Variants in DNAAF9 observed in about 807,000 individuals in gnomAD.
The protein encoded by DNAAF9 is dynein axonemal assembly factor 9, also known as shulin.
DNAAF9 carries 90 observed loss-of-function variants against 167.0 expected under a neutral mutation model. The observed-to-expected ratio is 0.54, with a 90% confidence interval of 0.45 to 0.64. The LOEUF (loss-of-function observed/expected upper bound fraction) is 0.64. Among genes scored for constraint, DNAAF9 ranks in the 30% least tolerant of loss-of-function variants. The pLI is 0.00. For synonymous variants in DNAAF9, 491 were observed against 508.8 expected (o/e 0.96, Z 0.47); for missense variants, 1,315 against 1,442.2 (o/e 0.91, Z 1.43).
intron 27 of DNAAF9, 87 bp from the exon 28 acceptor site, chr20:3,281,853 A>G (rs1320657233): frequency 4.3e-6 from 6 of 1,391,406 alleles, no homozygotes; most frequent in Non-Finnish European, 5.9e-6. Flanking sequence ...CTGATTGAAC[A>G]AGGATGGAAA....
At chr20:3,343,946 G>A (rs982579877) in intron 8 of DNAAF9, among the ~76,000 whole-genome samples, 6 of 151,894 alleles carry the variant, frequency 4.0e-5, no homozygotes, top group Admixed American at 6.6e-5. Flanking sequence ...GGAAAGATGT[G>A]TACGGTTAAT....
rs117584624 is a variant in DNAAF9 at position 3,272,656 on chromosome 20, C to T, written c.2651-2094G>A. On this transcript the variant is annotated intron_variant, in intron 29 of 36. Coordinates refer to ENST00000252032, the MANE Select transcript of DNAAF9 (RefSeq NM_001009984.3). ...CCATTCTGAAAGATGTAAAGAGTAT[C>T]TCTCCTCTGCCAATTTTTTGTAAAA... Among the ~76,000 whole-genome samples, 734 of 152,258 alleles carry T rather than the reference C, an allele frequency of 4.8e-3. 2 individuals are homozygous for T. The highest frequency in any genetic ancestry group is 6.8e-3 in the Middle Eastern group (2 of 294).
intron 30 of DNAAF9, among the ~76,000 whole-genome samples, chr20:3,267,959 G>A (rs2068517840): frequency 6.6e-6 from 1 of 151,442 alleles, no homozygotes; most frequent in South Asian, 2.1e-4. Flanking sequence ...ATGTTCAAAA[G>A]TTACTTGAAT....
chr20:3,283,000 T>C (rs907080244), intron 27 of DNAAF9, among the ~76,000 whole-genome samples: 1 of 152,212 alleles, frequency 6.6e-6, no homozygotes, highest in African/African-American at 2.4e-5. Context: ...GTCTCCATAA[T>C]AAGAATGTCA....
chr20:3,400,247 A>G (rs1438143780), intron 1 of DNAAF9, among the ~76,000 whole-genome samples: 2 of 152,212 alleles, frequency 1.3e-5, no homozygotes, highest in African/African-American at 4.8e-5. Context: ...CTAAATCTAA[A>G]TGCAATGTGA....
At chr20:3,395,044 T>TGCAAGCTC (rs2083885731) in intron 1 of DNAAF9, among the ~76,000 whole-genome samples, 1 of 131,014 alleles carries the variant, frequency 7.6e-6, no homozygotes, top group Non-Finnish European at 1.6e-5. Context: ...CTCGACTCAC[T>TGCAAGCTC]GCAAGCTCCG....
At chr20:3,378,580 A>G (rs185165280) in intron 3 of DNAAF9, among the ~76,000 whole-genome samples, 9 of 152,356 alleles carry the variant, frequency 5.9e-5, no homozygotes, top group African/African-American at 2.2e-4. Flanking sequence ...TACTTCCAGA[A>G]GAAAACCAGA....
chr20:3,264,338 C>G (rs893425416), intron 31 of DNAAF9, 100 bp downstream of exon 31: 227 of 687,636 alleles, frequency 3.3e-4, no homozygotes, highest in Non-Finnish European at 5.4e-4. Flanking sequence ...TTGCAAAGCA[C>G]ATCTGGTATT....
chr20:3,368,218 T>C (rs932182213), intron 6 of DNAAF9, among the ~76,000 whole-genome samples: 9 of 152,128 alleles, frequency 5.9e-5, no homozygotes, highest in African/African-American at 2.2e-4. Flanking sequence ...CCCAGCTGCA[T>C]CTCCTAACTC....
intron 4 of DNAAF9, among the ~76,000 whole-genome samples, chr20:3,375,714 G>A (rs2083566453): frequency 6.6e-6 from 1 of 152,048 alleles, no homozygotes. Context: ...ACAAAAATTA[G>A]CCAGGTGCCT....
At chr20:3,290,816 TCTCA>T (rs976238344) in intron 25 of DNAAF9, among the ~76,000 whole-genome samples, 5 of 138,612 alleles carry the variant, frequency 3.6e-5, no homozygotes, top group Non-Finnish European at 7.7e-5. Context: ...TGAGATGGAG[TCTCA>T]CTCTGTCGCC....
At chr20:3,373,523 C>G (rs2083536908) in intron 6 of DNAAF9, among the ~76,000 whole-genome samples, 2 of 152,182 alleles carry the variant, frequency 1.3e-5, no homozygotes, top group Admixed American at 1.3e-4. Context: ...ACTGCTCTTA[C>G]CAAAAAAGCT....
At chr20:3,293,700 G>C (rs1039404278) in intron 25 of DNAAF9, among the ~76,000 whole-genome samples, 23 of 151,006 alleles carry the variant, frequency 1.5e-4, no homozygotes, top group Non-Finnish European at 8.8e-5. Flanking sequence ...ATCCACTCTG[G>C]GGAAGATAGT....
chr20:3,290,176 A>T lies in DNAAF9; in HGVS notation c.2280T>A (p.Ala760=). ...TGACCAGAAAAGCACAGAGCTCGCT[A>T]GCGTGACAGCCTGGGAGGCCGGTTA... is the stretch of plus-strand genomic sequence containing the variant. ...SIVTGLPGCH[A]SELCAFLVTL... Residue 760 remains alanine (A), a synonymous_variant, in exon 26 of 37, where the codon GCT becomes GCA. Transcript: ENST00000252032. 6.2e-7 allele frequency: 1 copy of T among 1,613,422 alleles called. No individual in the cohort carries two copies. Among genetic ancestry groups the T allele is most frequent in the Non-Finnish European group, 8.5e-7 (1 of 1,179,298 alleles).
At chr20:3,391,596 T>C (rs1348761989) in intron 1 of DNAAF9, among the ~76,000 whole-genome samples, 1 of 150,690 alleles carries the variant, frequency 6.6e-6, no homozygotes, top group Non-Finnish European at 1.5e-5. Context: ...TTTTTTTTTT[T>C]TGAGACAGAG....
chr20:3,323,345 A>ATG (rs2069653706), intron 14 of DNAAF9, among the ~76,000 whole-genome samples: 1 of 139,666 alleles, frequency 7.2e-6, no homozygotes, highest in African/African-American at 2.7e-5. Context: ...GCAGTGGCGC[A>ATG]ATCTCGACTC....
At chr20:3,328,686 G>A (rs571432926) in intron 12 of DNAAF9, among the ~76,000 whole-genome samples, 24 of 152,222 alleles carry the variant, frequency 1.6e-4, no homozygotes, top group African/African-American at 5.8e-4. Context: ...GTACAAGCAG[G>A]CACAAGGTAA....
chr20:3,260,135 C>G, intron 31 of DNAAF9, 107 bp from the exon 32 acceptor site: 1 of 576,310 alleles, frequency 1.7e-6, no homozygotes, highest in East Asian at 3.3e-5. Flanking sequence ...GTCAGGAGAT[C>G]GAGACCATCC....
intron 16 of DNAAF9, among the ~76,000 whole-genome samples, chr20:3,319,449 G>C (rs2069575831): frequency 6.6e-6 from 1 of 152,102 alleles, no homozygotes; most frequent in African/African-American, 2.4e-5. Context: ...ATTCCGGGAA[G>C]AAGCCAGCAG....
Sources: gnomAD v4.1 joint callset for allele counts (sites outside exome capture counted in the v4.1 genomes callset) on GRCh38, gnomAD v4.1.1 for gene constraint, MANE v1.5 for transcripts, NCBI Gene and HGNC (gene_info 2026-07-23, HGNC 2026-07-21) for gene names.